ATP2C2: variants seen among roughly 807,000 people sequenced by gnomAD.
ATP2C2 encodes the protein calcium-transporting ATPase type 2C member 2.
A neutral mutation model predicts 110.8 loss-of-function variants in ATP2C2; 171 were observed. The ratio of observed to expected loss-of-function variants is 1.54; its 90% CI spans 1.36 to 1.75. The LOEUF (loss-of-function observed/expected upper bound fraction) is 1.75. ATP2C2 is among the 40% of genes most tolerant of loss of function. The probability of loss-of-function intolerance (pLI) is 0.00; values close to 1 mark genes in which losing one functional copy is unlikely to be tolerated. For missense variants in ATP2C2, 1,963 were observed against 1,235.0 expected, an observed-to-expected ratio of 1.59 and a Z score of -8.84; for synonymous variants, 804 against 508.4, an observed-to-expected ratio of 1.58 and a Z score of -7.82.
Position 84,379,109 on chromosome 16 carries a change from CTTCCCCTCTCTTCCCCTCCT to C in ATP2C2, c.99+10424_99+10443del, listed in dbSNP as rs1347234342. On this transcript the variant is annotated intron_variant, in intron 1 of 26. Transcript: ENST00000262429. ...TTACGCCCAGCATCCATTTCACTCT[CTTCCCCTCTCTTCCCCTCCT>C]TTCCCCTCTCTTCCCCTCCTTTCCC... is the stretch of plus-strand genomic sequence containing the variant. 3.9e-3 allele frequency among the ~76,000 whole-genome samples: 592 copies of C among 151,718 alleles called. 3 individuals are homozygous for C. Among genetic ancestry groups the C allele is most frequent in the Middle Eastern group, 6.8e-3 (2 of 294 alleles).
Position 84,453,326 on chromosome 16 carries a change from C to A in ATP2C2, c.1935C>A (p.Ser645=). The change falls in exon 20 of 27, where the codon TCC becomes TCA. Residue 645 remains serine, a synonymous_variant. Transcript: ENST00000262429. The part of the protein sequence containing the change: ...GELADRVGKV[S]VFFRTSPKHK... ...TTCCCCGTCTCCGTGTCCAGGTGTC[C>A]GTGTTCTTCAGGACCAGCCCAAAGC... is the stretch of plus-strand genomic sequence containing the variant. The A allele has an allele frequency of 6.2e-7, 1 of 1,614,138 alleles. No individual in the cohort carries two copies.
intron 1 of ATP2C2, among the ~76,000 whole-genome samples, chr16:84,370,205 G>A (rs564435368): frequency 3.3e-5 from 5 of 152,174 alleles, no homozygotes; most frequent in African/African-American, 9.7e-5. Context: ...AGGTGGACTC[G>A]TCCCTCCAAA....
chr16:84,424,230 A>G (rs1362288279), intron 10 of ATP2C2, among the ~76,000 whole-genome samples: 1 of 152,204 alleles, frequency 6.6e-6, no homozygotes, highest in Non-Finnish European at 1.5e-5. Context: ...AAGTTAAATT[A>G]GAACTTAAAT....
At chr16:84,394,354 C>G (rs991186993) in intron 1 of ATP2C2, among the ~76,000 whole-genome samples, 21 of 152,190 alleles carry the variant, frequency 1.4e-4, no homozygotes, top group East Asian at 1.2e-3. Flanking sequence ...TTAGCAGTTT[C>G]TCCCCATTCC....
intron 3 of ATP2C2, 91 bp downstream of exon 3, chr16:84,405,335 T>C (rs1905668824): frequency 1.8e-6 from 2 of 1,122,890 alleles, no homozygotes; most frequent in Non-Finnish European, 2.6e-6. Flanking sequence ...ATGGAAGGCA[T>C]CCTTGGACAG....
intron 7 of ATP2C2, among the ~76,000 whole-genome samples, chr16:84,417,897 G>A (rs1906979805): frequency 6.6e-6 from 1 of 152,224 alleles, no homozygotes; most frequent in African/African-American, 2.4e-5. Flanking sequence ...AGATCCAGGA[G>A]TACTTCAAGT....
intron 11 of ATP2C2, among the ~76,000 whole-genome samples, chr16:84,429,029 C>G (rs765300591): frequency 6.6e-6 from 1 of 152,158 alleles, no homozygotes. Flanking sequence ...GCATCTTAGG[C>G]TCTGGATAAT....
chr16:84,368,654 C>A lies in ATP2C2; in HGVS notation c.39C>A (p.Leu13=). 2.6e-6 allele frequency: 4 copies of A among 1,564,902 alleles called. No homozygotes were observed. The highest frequency in any genetic ancestry group is 3.5e-6 in the Non-Finnish European group (4 of 1,156,798). ...EGRVSEFLKK[L]GFSGGGRQYQ... is the part of the protein sequence containing the mutation. ...GCGTCTCCGAGTTCCTGAAGAAACT[C>A]GGCTTCTCGGGCGGGGGCCGCCAGT... is the stretch of plus-strand genomic sequence containing the variant. Residue 13 remains leucine, a synonymous_variant, in exon 1 of 27, where the codon CTC becomes CTA. Transcript: ENST00000262429.
intron 6 of ATP2C2, among the ~76,000 whole-genome samples, chr16:84,413,843 A>G (rs192390455): frequency 8.1e-4 from 124 of 152,240 alleles, no homozygotes; most frequent in African/African-American, 2.8e-3. Context: ...ATATTTATTG[A>G]GCACCTACTG....
intron 4 of ATP2C2, among the ~76,000 whole-genome samples, chr16:84,408,741 A>G (rs59648726): frequency 0.076 from 11,492 of 152,106 alleles, 676 homozygotes; most frequent in African/African-American, 0.17. Flanking sequence ...GCAGTGTTGC[A>G]GGGAATTCCT....
At chr16:84,451,748 G>A (rs1910285342) in intron 17 of ATP2C2, among the ~76,000 whole-genome samples, 173 bp from the exon 18 acceptor site, 1 of 152,174 alleles carries the variant, frequency 6.6e-6, no homozygotes, top group African/African-American at 2.4e-5. Flanking sequence ...TGAGGCAGGA[G>A]AACGGTTTGA....
In ATP2C2 at chr16:84,462,116, C is replaced by T. The variant is rs377304288; in HGVS notation, c.2709C>T (p.Asn903=). The part of the protein sequence containing the change: ...PPLQRVFQTE[N]LGALDLLFLT... ...TGCAGAGGGTCTTCCAGACGGAGAACCTGGGAGCGCTTGGTGAGTGGTGGG... is the reference window on the plus strand; with the variant it reads ...TGCAGAGGGTCTTCCAGACGGAGAATCTGGGAGCGCTTGGTGAGTGGTGGG... The change falls in exon 26 of 27, where the codon AAC becomes AAT. Residue 903 remains asparagine (N), a synonymous_variant. Coordinates refer to ENST00000262429, the MANE Select transcript of ATP2C2 (RefSeq NM_014861.4). 20 of 1,613,374 alleles carry T rather than the reference C, an allele frequency of 1.2e-5. No individual in the cohort carries two copies. Among genetic ancestry groups the T allele is most frequent in the South Asian group, 2.2e-5 (2 of 90,988 alleles).
Position 84,434,921 on chromosome 16 carries a change from T to C in ATP2C2, c.987-4245T>C, listed in dbSNP as rs568265681. 2.6e-5 allele frequency among the ~76,000 whole-genome samples: 4 copies of C among 152,332 alleles called. No individual in the cohort carries two copies. In the East Asian group the frequency reaches 7.7e-4, roughly 29 times the overall value. ...CTGCCATATGGGATGAAAGTCCCCG[T>C]CGTAACCCTCCACAAATGTTTGCTT... On this transcript the variant is annotated intron_variant, in intron 11 of 26. Coordinates refer to ENST00000262429, the MANE Select transcript of ATP2C2 (RefSeq NM_014861.4).
intron 1 of ATP2C2, among the ~76,000 whole-genome samples, chr16:84,385,482 C>A (rs9630651): frequency 6.6e-6 from 1 of 151,946 alleles, no homozygotes; most frequent in Non-Finnish European, 1.5e-5. Flanking sequence ...TCTCATTTAA[C>A]GTCTCCTGTA....
chr16:84,443,988 G>A (rs976140377), intron 15 of ATP2C2, among the ~76,000 whole-genome samples: 2 of 151,956 alleles, frequency 1.3e-5, no homozygotes, highest in Non-Finnish European at 2.9e-5. Context: ...GCAACATAGC[G>A]AAAACCCATC....
At chr16:84,408,851 G>A (rs1329218462) in intron 4 of ATP2C2, among the ~76,000 whole-genome samples, 2 of 150,092 alleles carry the variant, frequency 1.3e-5, no homozygotes, top group East Asian at 1.9e-4. Flanking sequence ...TAACCACTGA[G>A]CACTCATTTT....
At position 84,415,499 on chromosome 16, in the gene ATP2C2, C is replaced by T; in HGVS notation, c.532C>T (p.Leu178Phe). 3 of 1,614,166 alleles carry T rather than the reference C, an allele frequency of 1.9e-6. No homozygotes were observed. Among genetic ancestry groups the T allele is most frequent in the Non-Finnish European group, 2.5e-6 (3 of 1,180,022 alleles). ...CAAATGCAGCCTAAGAGAAGGAAAACTCCAGCACCTGCTTGCTCGAGAACT... is the reference window on the plus strand; with the variant it reads ...CAAATGCAGCCTAAGAGAAGGAAAATTCCAGCACCTGCTTGCTCGAGAACT... ...PECNCLREGKLQHLLARELVP... is the reference protein window; with the variant it reads ...PECNCLREGKFQHLLARELVP... Residue 178 changes from leucine (L) to phenylalanine (F), a missense_variant, in exon 7 of 27, where the codon CTC becomes TTC. Transcript: ENST00000262429.
At chr16:84,429,964 G>C (rs1908120895) in intron 11 of ATP2C2, among the ~76,000 whole-genome samples, 1 of 152,192 alleles carries the variant, frequency 6.6e-6, no homozygotes, top group African/African-American at 2.4e-5. Flanking sequence ...TGAGCACATA[G>C]ATATCTTGCC....
intron 11 of ATP2C2, among the ~76,000 whole-genome samples, chr16:84,434,244 C>T (rs1012180221): frequency 2.0e-5 from 3 of 151,122 alleles, no homozygotes; most frequent in Non-Finnish European, 4.4e-5. Context: ...TGTGAAACCC[C>T]GTCTCTACTA....
Sources: gnomAD v4.1 joint callset for allele counts (sites outside exome capture counted in the v4.1 genomes callset) on GRCh38, gnomAD v4.1.1 for gene constraint, MANE v1.5 for transcripts, NCBI Gene and HGNC (gene_info 2026-07-23, HGNC 2026-07-21) for gene names.